MAST3: variants seen among roughly 807,000 people sequenced by gnomAD.
The protein encoded by MAST3 is microtubule-associated serine/threonine-protein kinase 3.
A neutral mutation model predicts 127.0 loss-of-function variants in MAST3; 43 were observed. The observed-to-expected ratio is 0.34, with a 90% confidence interval of 0.27 to 0.44. MAST3 has a LOEUF of 0.44. Among genes scored for constraint, MAST3 ranks in the 20% least tolerant of loss-of-function variants. The pLI is 1.00. For synonymous variants in MAST3, 785 were observed against 809.2 expected, an observed-to-expected ratio of 0.97 and a Z score of 0.51; for missense variants, 1,390 against 1,919.1, an observed-to-expected ratio of 0.72 and a Z score of 5.15.
chr19:18,104,179 C>CAAAAAAAAAAAA lies in MAST3; in HGVS notation c.40-3379_40-3368dup, dbSNP rs56347763. Among the ~76,000 whole-genome samples, 2 of 43,450 alleles carry CAAAAAAAAAAAA rather than the reference C, an allele frequency of 4.6e-5. 1 individual carries two copies. The highest frequency in any genetic ancestry group is 2.3e-4 in the African/African-American group (2 of 8,838). 28.5% of individuals were successfully genotyped at this position (43,450 alleles called of 152,430 possible). On this transcript the variant is annotated intron_variant, in intron 1 of 27. Coordinates refer to ENST00000687212, the MANE Select transcript of MAST3 (RefSeq NM_001393504.1). ...TGGGCGACATAGCCAGACGCTGTCT[C>CAAAAAAAAAAAA]AAAAAAAAAAAAAAAAAAAAAAAAA...
rs1308143378 is a variant in MAST3, at chr19:18,110,622, G to A, written c.72-30G>A. 3.1e-6 allele frequency: 3 copies of A among 976,928 alleles called. No homozygotes were observed. The highest frequency in any genetic ancestry group is 3.6e-6 in the Non-Finnish European group (3 of 821,966). The allele number at this position is 976,928 out of a possible 1,614,324, so 60.5% of individuals were successfully genotyped here. Reference sequence around the variant, plus strand: ...GGCCACACGAAGGGGCGGCCGCCAGGTTCACCGTCCCCGGCCTCTTTCTTT... The same window carrying A: ...GGCCACACGAAGGGGCGGCCGCCAGATTCACCGTCCCCGGCCTCTTTCTTT... On this transcript the variant is annotated intron_variant, in intron 2 of 27. Coordinates refer to ENST00000687212, the MANE Select transcript of MAST3 (RefSeq NM_001393504.1). This position sits in a 1 kb window ranked among gnomAD's most constrained non-coding sequence, Gnocchi z 4.3.
chr19:18,148,643 C>T (rs962204555), intron 27 of MAST3, among the ~76,000 whole-genome samples: 1 of 152,098 alleles, frequency 6.6e-6, no homozygotes, highest in Non-Finnish European at 1.5e-5. Context: ...TGGCTCATGC[C>T]TGTAATCCCA....
chr19:18,106,837 C>T, intron 1 of MAST3, among the ~76,000 whole-genome samples: 1 of 151,836 alleles, frequency 6.6e-6, no homozygotes, highest in East Asian at 1.9e-4. Context: ...TCCCAAAGCT[C>T]TGGGATTACA....
rs763635171 is a variant in MAST3 at position 18,143,908 on chromosome 19, C to G, written c.2485C>G (p.Pro829Ala). 6.2e-7 allele frequency: 1 copy of G among 1,613,592 alleles called. No homozygotes were observed. Among genetic ancestry groups the G allele is most frequent in the Non-Finnish European group, 8.5e-7 (1 of 1,179,836 alleles). Reference sequence around the variant, plus strand: ...CTCATCAGAGGATGAGGGGGTAGGCCCAGGCCCTGCAGGCCCCAAGAGGCC... The same window carrying G: ...CTCATCAGAGGATGAGGGGGTAGGCGCAGGCCCTGCAGGCCCCAAGAGGCC... ...AFSSEDEGVG[P>A]GPAGPKRPVF... Residue 829 changes from proline to alanine, a missense_variant, in exon 22 of 28, where the codon CCA (proline) becomes GCA (alanine). Physicochemically the swap from Pro to Ala is conservative, Grantham distance 27. Transcript: ENST00000687212.
Position 18,144,605 on chromosome 19 carries a change from C to T in MAST3, c.2724C>T (p.Ala908=), listed in dbSNP as rs1419961388. 6.2e-7 allele frequency: 1 copy of T among 1,611,550 alleles called. No homozygotes were observed. ...PRDPAPEKSR[A]SSSGGSGGGS... ...ACCCAGCCCCTGAGAAGTCCAGAGC[C>T]TCCTCCAGCGGTGGCAGTGGTGGCG... The change falls in exon 23 of 28, where the codon GCC becomes GCT. Residue 908 remains alanine, a synonymous_variant. Transcript: ENST00000687212. This position sits in a 1 kb window ranked among gnomAD's most constrained non-coding sequence, Gnocchi z 4.0.
In MAST3 at chr19:18,144,938, G is replaced by A. The variant is rs2042880180; in HGVS notation, c.2813-65G>A. The A allele has an allele frequency of 2.1e-6, 2 of 951,936 alleles. No homozygotes were observed. Among genetic ancestry groups the A allele is most frequent in the South Asian group, 2.7e-5 (2 of 74,374 alleles). 59.0% of individuals were successfully genotyped at this position (951,936 alleles called of 1,614,324 possible). A position where few individuals can be genotyped will look rare whatever the true frequency, so the allele number is the denominator to read the frequency against. ...AGTGGCCAGGGTGGTCGTTGTGGTGGGAAAGAGGGGGCCCCAGGGGAGACC... is the reference window on the plus strand; with the variant it reads ...AGTGGCCAGGGTGGTCGTTGTGGTGAGAAAGAGGGGGCCCCAGGGGAGACC... On this transcript the variant is annotated intron_variant, in intron 23 of 27. Coordinates refer to ENST00000687212, the MANE Select transcript of MAST3 (RefSeq NM_001393504.1). The surrounding 1 kb of genome is among the most constrained non-coding windows in gnomAD (Gnocchi z 4.0).
Position 18,131,923 on chromosome 19 carries a change from A to G in MAST3, c.1447A>G (p.Thr483Ala). 2.5e-6 allele frequency: 4 copies of G among 1,600,932 alleles called. No homozygotes were observed. Among genetic ancestry groups the G allele is most frequent in the Non-Finnish European group, 2.6e-6 (3 of 1,174,494 alleles). The change falls in exon 15 of 28, where the codon ACG becomes GCG. Residue 483 changes from threonine to alanine, a missense_variant. By Grantham distance (58) the Thr-to-Ala change is moderately conservative (BLOSUM62 0). Around this residue, in one of 5 missense-constraint regions of MAST3, gnomAD observed 191 missense variants for 409.0 expected, o/e 0.47. Transcript: ENST00000687212. ...MEYVEGGDCA[T>A]LLKNMGPLPV... ...CCTTCTCCCAGGCGGCGACTGCGCC[A>G]CGCTCCTGAAGAACATGGGCCCGCT...
chr19:18,138,837 G>A (rs1423935710), intron 19 of MAST3, among the ~76,000 whole-genome samples, 178 bp from the exon 20 acceptor site: 1 of 152,146 alleles, frequency 6.6e-6, no homozygotes, highest in East Asian at 1.9e-4. Context: ...TTGATCCCCA[G>A]ATATCTGCTC....
At chr19:18,123,422 G>T (rs562437429) in intron 7 of MAST3, 48 bp downstream of exon 7, 16 of 1,560,962 alleles carry the variant, frequency 1.0e-5, no homozygotes, top group African/African-American at 9.4e-5. Context: ...CTGGGCTGGT[G>T]TGGAGGCCCA....
chr19:18,146,018 T>G (rs1321719097), intron 25 of MAST3, among the ~76,000 whole-genome samples, 153 bp downstream of exon 25: 1 of 152,162 alleles, frequency 6.6e-6, no homozygotes, highest in African/African-American at 2.4e-5. Context: ...CCAGAATACA[T>G]GTCCTTCTTC....
intron 2 of MAST3, among the ~76,000 whole-genome samples, chr19:18,107,893 G>A (rs1361581745): frequency 2.0e-5 from 3 of 152,136 alleles, no homozygotes; most frequent in African/African-American, 4.8e-5. Flanking sequence ...AAACTTGTCT[G>A]GAATCCAGAG....
chr19:18,108,847 T>C (rs2038275581), intron 2 of MAST3, among the ~76,000 whole-genome samples: 1 of 151,572 alleles, frequency 6.6e-6, no homozygotes, highest in Non-Finnish European at 1.5e-5. Flanking sequence ...GAGTTGGGGG[T>C]GGGAATCACT....
At chr19:18,098,458 G>C (rs1342183765) in intron 1 of MAST3, among the ~76,000 whole-genome samples, 1 of 152,114 alleles carries the variant, frequency 6.6e-6, no homozygotes, top group East Asian at 1.9e-4. Context: ...TTGCTTCTCT[G>C]GGCCTCAGTT....
Position 18,149,713 on chromosome 19 carries a change from C to T in MAST3, c.4031C>T (p.Thr1344Ile), listed in dbSNP as rs2043393623. ...EEAVPVALGP[T>I]GRD ...GCCGTGCCAGTAGCTCTCGGGCCCA[C>T]CGGAAGAGACTGATCCCCTGCCAGG... The change falls in exon 28 of 28, where the codon ACC (threonine) becomes ATC (isoleucine). Residue 1344 changes from threonine (T) to isoleucine (I), a missense_variant. Thr to Ile is a moderately conservative substitution (Grantham distance 89). Around this residue, in one of 5 missense-constraint regions of MAST3, gnomAD observed 816 missense variants for 934.1 expected, o/e 0.87. Coordinates refer to ENST00000687212, the MANE Select transcript of MAST3 (RefSeq NM_001393504.1). This position sits in a 1 kb window ranked among gnomAD's most constrained non-coding sequence, Gnocchi z 5.9. 6.2e-7 allele frequency: 1 copy of T among 1,612,294 alleles called. No homozygotes were observed. The highest frequency in any genetic ancestry group is 1.7e-5 in the Admixed American group (1 of 59,938).
chr19:18,109,834 G>A (rs1179556414), intron 2 of MAST3: 2 of 612,126 alleles, frequency 3.3e-6, no homozygotes, highest in South Asian at 1.4e-4. Flanking sequence ...TGGCCGGGAT[G>A]CGGGGTTGGG....
chr19:18,133,100 A>C (rs1195485925), intron 15 of MAST3, among the ~76,000 whole-genome samples: 1 of 146,802 alleles, frequency 6.8e-6, no homozygotes, highest in East Asian at 2.0e-4. Context: ...CTCCATCTTA[A>C]AAAAAAAAAA....
chr19:18,146,809 C>T lies in MAST3; in HGVS notation c.3163-72C>T, dbSNP rs929175930. 2.2e-5 allele frequency: 32 copies of T among 1,435,938 alleles called. No individual in the cohort carries two copies. The African/African-American group carries it at 4.3e-4, about 19-fold the overall frequency. The allele number at this position is 1,435,938 out of a possible 1,614,324, so 88.9% of individuals were successfully genotyped here. On this transcript the variant is annotated intron_variant, in intron 25 of 27. Coordinates refer to ENST00000687212, the MANE Select transcript of MAST3 (RefSeq NM_001393504.1). ...CAGCTGGTGCCCGGAGTGAAGGGGA[C>T]ATAGCAGCTGCCTGGCAAGTGCTGG...
In MAST3 at chr19:18,131,963, C is replaced by T. The variant is rs1374577718; in HGVS notation, c.1487C>T (p.Ala496Val). Residue 496 changes from alanine (A) to valine (V), a missense_variant, in exon 15 of 28, where the codon GCC becomes GTC. Transcript: ENST00000687212. ...KNMGPLPVDM[A>V]RLYFAETVLA... The stretch of plus-strand genomic sequence containing the variant: ...ATGGGCCCGCTGCCCGTGGACATGG[C>T]CCGCCTGTACTTCGCCGAGACGGTG... 1 of 1,613,610 alleles carries T rather than the reference C, an allele frequency of 6.2e-7. No individual in the cohort carries two copies. The highest frequency in any genetic ancestry group is 8.5e-7 in the Non-Finnish European group (1 of 1,179,822).
At chr19:18,132,314 G>C (rs972945801) in intron 15 of MAST3, among the ~76,000 whole-genome samples, 2 of 152,190 alleles carry the variant, frequency 1.3e-5, no homozygotes, top group African/African-American at 4.8e-5. Flanking sequence ...TTATGGAGGT[G>C]CTGCCAATCC....
Sources: gnomAD v4.1 joint callset for allele counts (sites outside exome capture counted in the v4.1 genomes callset) on GRCh38, gnomAD v4.1.1 for gene constraint, gnomAD v4.1.1 regional missense constraint, Gnocchi (gnomAD v3.1) non-coding constraint, MANE v1.5 for transcripts, NCBI Gene and HGNC (gene_info 2026-07-23, HGNC 2026-07-21) for gene names.